VAC14: variants seen among roughly 807,000 people sequenced by gnomAD.
VAC14 encodes the protein protein VAC14 homolog.
A neutral mutation model predicts 85.3 loss-of-function variants in VAC14; 47 were observed. The observed-to-expected ratio is 0.55, with a 90% CI of 0.44 to 0.70. VAC14 has a LOEUF of 0.70. VAC14 is among the 30% of genes least tolerant of loss of function. VAC14 has a pLI of 0.00. For missense variants in VAC14, 861 were observed against 1,004.3 expected (o/e 0.86, Z 1.93); for synonymous variants, 447 against 430.5 (o/e 1.04, Z -0.47).
At chr16:70,759,577 G>A (rs962307610) in intron 12 of VAC14, among the ~76,000 whole-genome samples, 2 of 152,102 alleles carry the variant, frequency 1.3e-5, no homozygotes, top group Admixed American at 6.5e-5. Flanking sequence ...GCAGTGAGCC[G>A]ACATCACATC....
At chr16:70,767,563 T>A (rs1369055806) in intron 10 of VAC14, among the ~76,000 whole-genome samples, 7 of 152,202 alleles carry the variant, frequency 4.6e-5, no homozygotes, top group African/African-American at 1.4e-4. Flanking sequence ...TAGTGGGGAC[T>A]TCATACAACA....
rs4985424 is a variant in VAC14, at chr16:70,752,815, C to T, written c.1372-8236G>A. Among the ~76,000 whole-genome samples, 1,378 of 152,338 alleles carry T rather than the reference C, an allele frequency of 9.0e-3. 5 individuals carry two copies. The highest frequency in any genetic ancestry group is 0.015 in the Non-Finnish European group (1,003 of 68,040). On this transcript the variant is annotated intron_variant, in intron 12 of 18. Coordinates refer to ENST00000261776, the MANE Select transcript of VAC14 (RefSeq NM_018052.5). The stretch of plus-strand genomic sequence containing the variant: ...CCAAGGAGATGAGCTCCTCATCCAA[C>T]CAAACTCCTCTATTTGTTCACTTTC...
chr16:70,714,379 G>C (rs1315974845), intron 14 of VAC14: 2 of 152,210 alleles, frequency 1.3e-5, no homozygotes, highest in African/African-American at 4.8e-5. Context: ...ATGCTACTGG[G>C]GGGCCCAGGA....
At chr16:70,707,321 C>T (rs1303746847) in intron 14 of VAC14, among the ~76,000 whole-genome samples, 1 of 152,226 alleles carries the variant, frequency 6.6e-6, no homozygotes, top group Non-Finnish European at 1.5e-5. Context: ...GTGTCTGGTA[C>T]ACTTAAAAGT....
chr16:70,763,430 C>A (rs2032567936), intron 10 of VAC14, among the ~76,000 whole-genome samples: 1 of 152,212 alleles, frequency 6.6e-6, no homozygotes, highest in Non-Finnish European at 1.5e-5. Context: ...AGGCTCAAGG[C>A]ATTAAGTTCA....
intron 10 of VAC14, among the ~76,000 whole-genome samples, chr16:70,767,062 G>A (rs1255870608): frequency 6.6e-6 from 1 of 152,146 alleles, no homozygotes; most frequent in Non-Finnish European, 1.5e-5. Context: ...GTCACTCCTG[G>A]GGGCTTCTGA....
At chr16:70,753,544 C>T (rs775349070) in intron 12 of VAC14, among the ~76,000 whole-genome samples, 29 of 152,172 alleles carry the variant, frequency 1.9e-4, no homozygotes, top group Non-Finnish European at 3.4e-4. Flanking sequence ...GGAGAGGGCA[C>T]CAGGGCTGAG....
intron 1 of VAC14, among the ~76,000 whole-genome samples, chr16:70,792,036 G>T (rs1364968116): frequency 6.6e-6 from 1 of 152,234 alleles, no homozygotes; most frequent in East Asian, 1.9e-4. Context: ...GGTCACCAGA[G>T]CTGTGGCTGC....
chr16:70,776,477 T>C (rs1265925474), intron 9 of VAC14, among the ~76,000 whole-genome samples: 2 of 152,246 alleles, frequency 1.3e-5, no homozygotes, highest in South Asian at 2.1e-4. Context: ...TTCTTTCTTC[T>C]GACTTAAAAG....
chr16:70,732,597 A>C (rs1046857047), intron 13 of VAC14, among the ~76,000 whole-genome samples: 4 of 152,000 alleles, frequency 2.6e-5, no homozygotes, highest in African/African-American at 9.7e-5. Context: ...GAAAGGAGTT[A>C]CCAAGGGATG....
rs199609992 is a variant in VAC14, at chr16:70,784,857, G to A, written c.424-19C>T. On this transcript the variant is annotated intron_variant, in intron 3 of 18. Transcript: ENST00000261776. ...CTGCCAGCTGCAAGAGGCACAGACAGGGGAGGGACACAGAGGCGAGGGTCA... is the reference window on the plus strand; with the variant it reads ...CTGCCAGCTGCAAGAGGCACAGACAAGGGAGGGACACAGAGGCGAGGGTCA... 1 of 1,612,438 alleles carries A rather than the reference G, an allele frequency of 6.2e-7. No individual in the cohort carries two copies. Among genetic ancestry groups the A allele is most frequent in the Non-Finnish European group, 8.5e-7 (1 of 1,178,648 alleles).
chr16:70,693,220 T>G (rs1022767086), intron 17 of VAC14, among the ~76,000 whole-genome samples: 8 of 152,174 alleles, frequency 5.3e-5, no homozygotes, highest in African/African-American at 1.7e-4. Context: ...GATCTCATCT[T>G]CCTTTCCACC....
chr16:70,800,206 A>T (rs1473856481), intron 1 of VAC14, among the ~76,000 whole-genome samples: 1 of 152,258 alleles, frequency 6.6e-6, no homozygotes, highest in Non-Finnish European at 1.5e-5. Flanking sequence ...ATATCAGATC[A>T]TTGTTACACA....
At chr16:70,765,425 G>C (rs1046415332) in intron 10 of VAC14, among the ~76,000 whole-genome samples, 1 of 152,162 alleles carries the variant, frequency 6.6e-6, no homozygotes, top group Non-Finnish European at 1.5e-5. Context: ...GATAACAATG[G>C]CAGCCATGAT....
chr16:70,800,531 G>A (rs1301657700), intron 1 of VAC14, among the ~76,000 whole-genome samples: 3 of 152,208 alleles, frequency 2.0e-5, no homozygotes, highest in Non-Finnish European at 4.4e-5. Context: ...ACTGTGCAAA[G>A]CACTACCCAT....
At chr16:70,756,219 T>C (rs1597947838) in intron 12 of VAC14, 1 of 378,566 alleles carries the variant, frequency 2.6e-6, no homozygotes, top group East Asian at 7.4e-5. Context: ...TGCTCTGCTC[T>C]GCTCTGGGCT....
chr16:70,748,690 T>C (rs1338060218), intron 12 of VAC14, among the ~76,000 whole-genome samples: 3 of 152,130 alleles, frequency 2.0e-5, no homozygotes, highest in Admixed American at 6.5e-5. Flanking sequence ...CTCACGCCTG[T>C]AATCCCAGCA....
At position 70,760,965 on chromosome 16, in the gene VAC14, GTGTGTGTGTGTGTGTGTGTGT is replaced by G. The variant is rs2032293172; in HGVS notation, c.1371+1554_1371+1574del. Among the ~76,000 whole-genome samples the G allele has an allele frequency of 7.6e-4, 46 of 60,734 alleles. 1 individual carries two copies. Among genetic ancestry groups the G allele is most frequent in the African/African-American group, 2.9e-3 (45 of 15,614 alleles). The allele number at this position is 60,734 out of a possible 152,430, so 39.8% of individuals were successfully genotyped here. On this transcript the variant is annotated intron_variant, in intron 12 of 18. Transcript: ENST00000261776. The stretch of plus-strand genomic sequence containing the variant: ...AGGGGGTGGTGCACGAAGAGAGGGT[GTGTGTGTGTGTGTGTGTGTGT>G]GTGTGTGTGTGTGTGTGTGTGTGTG...
intron 14 of VAC14, among the ~76,000 whole-genome samples, chr16:70,730,829 G>C (rs112413892): frequency 2.6e-5 from 4 of 151,958 alleles, no homozygotes; most frequent in Admixed American, 2.0e-4. Flanking sequence ...TGAGAACCAC[G>C]GCTGGACAGC....
Sources: gnomAD v4.1 joint callset for allele counts (sites outside exome capture counted in the v4.1 genomes callset) on GRCh38, gnomAD v4.1.1 for gene constraint, MANE v1.5 for transcripts, NCBI Gene and HGNC (gene_info 2026-07-23, HGNC 2026-07-21) for gene names.